Variants in LRRC4C observed in about 807,000 individuals in gnomAD.
LRRC4C encodes leucine rich repeat containing 4C.
In LRRC4C, 5 loss-of-function variants were observed where a neutral mutation model predicts 33.6. That is an observed-to-expected ratio of 0.15 (90% CI 0.08 to 0.31). The LOEUF (loss-of-function observed/expected upper bound fraction) is 0.31. LRRC4C is among the 10% of genes least tolerant of loss of function. The pLI is 1.00. For missense variants in LRRC4C, 560 were observed against 796.7 expected (o/e 0.70, Z 3.58); for synonymous variants, 329 against 302.0 (o/e 1.09, Z -0.93).
chr11:40,351,535 C>T lies in LRRC4C; in HGVS notation c.-269-31814G>A, dbSNP rs75294013. ...CAGCTATTGTTGTACCGAGGTCTGT[C>T]TCTCTCTTTAGCTCTAATATTTGCT... On this transcript the variant is annotated intron_variant, in intron 3 of 6. Transcript: ENST00000528697. 2.0e-4 allele frequency: 23 copies of T among 115,974 alleles called. No homozygotes were observed. The East Asian group carries it at 6.2e-3, about 31-fold the overall frequency. 7.2% of individuals were successfully genotyped at this position (115,974 alleles called of 1,614,324 possible). A position where few individuals can be genotyped will look rare whatever the true frequency, so the allele number is the denominator to read the frequency against.
chr11:40,718,993 A>G (rs2136662912), intron 2 of LRRC4C, among the ~76,000 whole-genome samples: 1 of 152,282 alleles, frequency 6.6e-6, no homozygotes, highest in East Asian at 1.9e-4. Flanking sequence ...TAAAACCTAT[A>G]ATTTTCTGAA....
chr11:40,878,526 G>T (rs561242534), intron 2 of LRRC4C, among the ~76,000 whole-genome samples: 3 of 152,162 alleles, frequency 2.0e-5, no homozygotes, highest in Non-Finnish European at 4.4e-5. Context: ...GCACCTAAGA[G>T]AATTTAATGT....
At chr11:41,125,817 G>A (rs997305267) in intron 1 of LRRC4C, among the ~76,000 whole-genome samples, 1 of 152,094 alleles carries the variant, frequency 6.6e-6, no homozygotes, top group African/African-American at 2.4e-5. Context: ...CTGAAAGAAA[G>A]GATGGTTATA....
chr11:41,267,347 C>T (rs7925125), intron 1 of LRRC4C, among the ~76,000 whole-genome samples: 95,282 of 151,696 alleles, frequency 0.63, 30,948 homozygotes, highest in African/African-American at 0.8. Flanking sequence ...GTGAAAAGAA[C>T]GTAAATAACT....
intron 2 of LRRC4C, among the ~76,000 whole-genome samples, chr11:40,680,069 C>T (rs1179486645): frequency 6.6e-6 from 1 of 152,146 alleles, no homozygotes; most frequent in Non-Finnish European, 1.5e-5. Flanking sequence ...TCAGTGTGAT[C>T]TGTTTATGAG....
intron 1 of LRRC4C, among the ~76,000 whole-genome samples, chr11:40,963,575 G>T (rs1045020943): frequency 1.3e-5 from 2 of 151,740 alleles, no homozygotes; most frequent in African/African-American, 4.8e-5. Flanking sequence ...GATGACATAA[G>T]ATGCTTTGTA....
chr11:41,115,709 GACGCTCATTTCT>G (rs1036158217), intron 1 of LRRC4C, among the ~76,000 whole-genome samples: 38 of 152,016 alleles, frequency 2.5e-4, no homozygotes, highest in Non-Finnish European at 4.6e-4. Flanking sequence ...GATCCACTTT[GACGCTCATTTCT>G]AAGTTCTCTA....
At chr11:40,416,612 AC>A (rs1421754817) in intron 3 of LRRC4C, among the ~76,000 whole-genome samples, 1 of 152,152 alleles carries the variant, frequency 6.6e-6, no homozygotes, top group African/African-American at 2.4e-5. Context: ...TACAAAAACC[AC>A]CCTGTATCAA....
At chr11:41,283,788 G>A (rs1388529293) in intron 1 of LRRC4C, among the ~76,000 whole-genome samples, 2 of 152,120 alleles carry the variant, frequency 1.3e-5, no homozygotes, top group Non-Finnish European at 2.9e-5. Context: ...TATACATTCC[G>A]GAACTAGGCT....
chr11:40,458,976 C>G (rs543250225), intron 3 of LRRC4C, among the ~76,000 whole-genome samples: 1 of 152,116 alleles, frequency 6.6e-6, no homozygotes, highest in African/African-American at 2.4e-5. Flanking sequence ...TAAGCAGATA[C>G]AGAGATAAAA....
At chr11:41,368,845 T>G (rs1952639572) in intron 1 of LRRC4C, among the ~76,000 whole-genome samples, 1 of 152,214 alleles carries the variant, frequency 6.6e-6, no homozygotes. Context: ...GGAGGCATAC[T>G]TTTTTCCCCG....
intron 3 of LRRC4C, among the ~76,000 whole-genome samples, chr11:40,320,318 A>T (rs1366830814): frequency 2.0e-5 from 3 of 152,096 alleles, no homozygotes; most frequent in Non-Finnish European, 4.4e-5. Flanking sequence ...ATCCTGTCTA[A>T]CACGGTGAAA....
Position 40,114,862 on chromosome 11 carries a change from A to G in LRRC4C, c.1431T>C (p.Gly477=), listed in dbSNP as rs1855303075. ...TCTCCCAGTCGACCACTGGAGTGGG[A>G]CCCACATTGTTATCTGTGGTCCGTG... is the stretch of plus-strand genomic sequence containing the variant. ...DEARTTDNNV[G]PTPVVDWETT... Residue 477 remains glycine, a synonymous_variant, in exon 7 of 7, where the codon GGT becomes GGC. Transcript: ENST00000528697. 6.2e-7 allele frequency: 1 copy of G among 1,614,024 alleles called. No homozygotes were observed. The highest frequency in any genetic ancestry group is 1.3e-5 in the African/African-American group (1 of 74,920).
At chr11:40,837,569 G>A (rs1258062854) in intron 2 of LRRC4C, among the ~76,000 whole-genome samples, 2 of 151,312 alleles carry the variant, frequency 1.3e-5, no homozygotes, top group African/African-American at 2.4e-5. Context: ...GCTGGGCACA[G>A]TGGCTCAGAC....
At chr11:41,458,277 T>C (rs1170515344) in intron 1 of LRRC4C, among the ~76,000 whole-genome samples, 2 of 152,094 alleles carry the variant, frequency 1.3e-5, no homozygotes, top group Non-Finnish European at 2.9e-5. Context: ...CACTATTCTC[T>C]TAAGGATAAA....
intron 2 of LRRC4C, among the ~76,000 whole-genome samples, chr11:40,905,005 C>T (rs1362131482): frequency 6.6e-6 from 1 of 152,134 alleles, no homozygotes; most frequent in African/African-American, 2.4e-5. Context: ...CGCACGTGCA[C>T]ACGCCCACCC....
intron 2 of LRRC4C, among the ~76,000 whole-genome samples, chr11:40,861,533 G>A (rs950016832): frequency 6.6e-6 from 1 of 152,136 alleles, no homozygotes; most frequent in African/African-American, 2.4e-5. Flanking sequence ...AAGAAGAGAG[G>A]AACCCGAAGG....
At chr11:40,244,668 G>A (rs1866184645) in intron 4 of LRRC4C, among the ~76,000 whole-genome samples, 1 of 151,802 alleles carries the variant, frequency 6.6e-6, no homozygotes, top group African/African-American at 2.4e-5. Context: ...TAATAAACTC[G>A]TATGCCTTCT....
chr11:40,984,716 T>C (rs896758567), intron 1 of LRRC4C, among the ~76,000 whole-genome samples: 7 of 152,008 alleles, frequency 4.6e-5, no homozygotes, highest in African/African-American at 1.7e-4. Context: ...TCTGTATAAA[T>C]TGGAGTATGA....
Sources: allele counts gnomAD v4.1 joint callset (sites outside exome capture counted in the v4.1 genomes callset), GRCh38; gene constraint gnomAD v4.1.1; transcripts MANE v1.5; gene names NCBI Gene and HGNC (gene_info 2026-07-23, HGNC 2026-07-21).